The following ACTN4 variants were observed in gnomAD, a reference collection of about 807,000 sequenced individuals.
The protein encoded by ACTN4 is actinin alpha 4, also known as alpha-actinin-4.
ACTN4 carries 18 observed loss-of-function variants against 114.2 expected under a neutral mutation model. That is an observed-to-expected ratio of 0.16 (90% confidence interval 0.11 to 0.23). The LOEUF is 0.23. Ranked by LOEUF, ACTN4 falls within the 10% of genes least tolerant of loss-of-function variation. ACTN4 has a pLI of 1.00. For missense variants in ACTN4, 722 were observed against 1,262.9 expected (o/e 0.57, Z 6.49); for synonymous variants, 515 against 506.3 (o/e 1.02, Z -0.23).
In ACTN4 at chr19:38,730,625, C is replaced by G; in HGVS notation, c.*1193C>G. 8.2e-6 allele frequency: 5 copies of G among 609,806 alleles called. No homozygotes were observed. The highest frequency in any genetic ancestry group is 5.5e-5 in the East Asian group (2 of 36,282). The allele number at this position is 609,806 out of a possible 1,614,324, so 37.8% of individuals were successfully genotyped here. ...AGCTAGCACTGTCTTAAGCTGTCAACGTGGACTAGCTCGTGTCATCTGCTC... is the reference window on the plus strand; with the variant it reads ...AGCTAGCACTGTCTTAAGCTGTCAAGGTGGACTAGCTCGTGTCATCTGCTC... On this transcript the variant is annotated 3_prime_UTR_variant, in exon 21 of 21. Transcript: ENST00000252699.
At position 38,730,698 on chromosome 19, in the gene ACTN4, C is replaced by A; in HGVS notation, c.*1266C>A. The A allele has an allele frequency of 1.2e-6, 1 of 865,260 alleles. No homozygotes were observed. Among genetic ancestry groups the A allele is most frequent in the South Asian group, 1.6e-5 (1 of 63,028 alleles). The allele number at this position is 865,260 out of a possible 1,614,324, so 53.6% of individuals were successfully genotyped here. A position where few individuals can be genotyped will look rare whatever the true frequency, so the allele number is the denominator to read the frequency against. On this transcript the variant is annotated 3_prime_UTR_variant, in exon 21 of 21. Coordinates refer to ENST00000252699, the MANE Select transcript of ACTN4 (RefSeq NM_004924.6). ...GTTTCTGAGTGAGGAGTACGCAGGC[C>A]AGAGTGGTCACCCGGCCGTGAGCAG...
intron 17 of ACTN4, 24 bp from the exon 18 acceptor site, chr19:38,726,933 G>T: frequency 6.2e-7 from 1 of 1,613,202 alleles, no homozygotes; most frequent in South Asian, 1.1e-5. Flanking sequence ...CCCGGCCCAC[G>T]ATCACGCCCC....
intron 1 of ACTN4, among the ~76,000 whole-genome samples, chr19:38,671,805 G>T (rs186257225): frequency 3.0e-4 from 46 of 152,330 alleles, no homozygotes. Context: ...CAGGAAGCTC[G>T]CCATGAAGGC....
chr19:38,694,283 C>T (rs1168594091), intron 1 of ACTN4, among the ~76,000 whole-genome samples: 2 of 150,950 alleles, frequency 1.3e-5, no homozygotes, highest in South Asian at 2.1e-4. Flanking sequence ...TTTTTGAAAC[C>T]GAGTCTTACT....
chr19:38,647,651 A>C lies in ACTN4; in HGVS notation c.-95A>C. On this transcript the variant is annotated 5_prime_UTR_variant, in exon 1 of 21. Coordinates refer to ENST00000252699, the MANE Select transcript of ACTN4 (RefSeq NM_004924.6). ...CAGGCGCGGGCGGAGGGCGGGCTGA[A>C]GCAGCTGAAGCGGCGGTAGCGGCGG... The C allele has an allele frequency of 6.9e-7, 1 of 1,445,618 alleles. No individual in the cohort carries two copies. The highest frequency in any genetic ancestry group is 9.1e-7 in the Non-Finnish European group (1 of 1,094,892). The allele number at this position is 1,445,618 out of a possible 1,614,324, so 89.5% of individuals were successfully genotyped here. A position where few individuals can be genotyped will look rare whatever the true frequency, so the allele number is the denominator to read the frequency against.
At chr19:38,657,050 A>T (rs920269590) in intron 1 of ACTN4, among the ~76,000 whole-genome samples, 1 of 151,952 alleles carries the variant, frequency 6.6e-6, no homozygotes, top group Non-Finnish European at 1.5e-5. Context: ...ATCATAACTC[A>T]CTGCAGCCTT....
chr19:38,663,662 C>T (rs895401744), intron 1 of ACTN4, among the ~76,000 whole-genome samples: 19 of 152,330 alleles, frequency 1.2e-4, no homozygotes, highest in African/African-American at 3.8e-4. Flanking sequence ...TTCTTAGCTG[C>T]CTCTTTGGAG....
At chr19:38,716,119 G>A (rs1298755238) in intron 9 of ACTN4, among the ~76,000 whole-genome samples, 2 of 152,172 alleles carry the variant, frequency 1.3e-5, no homozygotes, top group East Asian at 3.9e-4. Context: ...TGGTCAGGCT[G>A]ATCTTGAACT....
chr19:38,694,895 G>A (rs1008738773), intron 1 of ACTN4, among the ~76,000 whole-genome samples: 2 of 151,988 alleles, frequency 1.3e-5, no homozygotes, highest in Non-Finnish European at 2.9e-5. Context: ...GGCGGGTTGA[G>A]ACAGGGTCTG....
In ACTN4 at chr19:38,692,623, C is replaced by T. The variant is rs546481409; in HGVS notation, c.163-7977C>T. Among the ~76,000 whole-genome samples the T allele has an allele frequency of 2.0e-5, 3 of 152,334 alleles. No individual in the cohort carries two copies. The East Asian group carries it at 5.8e-4, about 29-fold the overall frequency. ...TATAGTTGGTGATGAAGCCCATGGG[C>T]TGGGGAGCCGTTTCTGCTTTCAGGA... On this transcript the variant is annotated intron_variant, in intron 1 of 20. Coordinates refer to ENST00000252699, the MANE Select transcript of ACTN4 (RefSeq NM_004924.6).
chr19:38,696,474 G>A (rs762458023), intron 1 of ACTN4, among the ~76,000 whole-genome samples: 8 of 152,232 alleles, frequency 5.3e-5, no homozygotes, highest in Admixed American at 2.0e-4. Context: ...AGTCTAAACC[G>A]GGTAGGGAGA....
At chr19:38,701,240 A>T in intron 3 of ACTN4, 119 bp downstream of exon 3, 3 of 1,495,582 alleles carry the variant, frequency 2.0e-6, no homozygotes, top group Non-Finnish European at 1.8e-6. Flanking sequence ...GGGCACTCAG[A>T]GCCCCAGTAC....
chr19:38,692,712 G>A (rs1967969919), intron 1 of ACTN4, among the ~76,000 whole-genome samples: 1 of 152,210 alleles, frequency 6.6e-6, no homozygotes, highest in African/African-American at 2.4e-5. Flanking sequence ...TGCCAGATGG[G>A]TGATAAGAAG....
rs1465515133 is a variant in ACTN4, at chr19:38,673,463, A to ATT, written c.162+25558_162+25559dup. On this transcript the variant is annotated intron_variant, in intron 1 of 20. Transcript: ENST00000252699. Reference sequence around the variant, plus strand: ...TTTTTATATATATATATTCATATATATTTATATATATTTATATATATATTC... The same window carrying ATT: ...TTTTTATATATATATATTCATATATATTTTTATATATATTTATATATATATTC... Among the ~76,000 whole-genome samples, 38 of 78,898 alleles carry ATT rather than the reference A, an allele frequency of 4.8e-4. 2 individuals carry two copies. The highest frequency in any genetic ancestry group is 1.6e-3 in the African/African-American group (37 of 23,748). The allele number at this position is 78,898 out of a possible 152,430, so 51.8% of individuals were successfully genotyped here.
At chr19:38,712,878 G>C (rs1019337390) in intron 8 of ACTN4, among the ~76,000 whole-genome samples, 2 of 152,184 alleles carry the variant, frequency 1.3e-5, no homozygotes, top group African/African-American at 4.8e-5. Context: ...GATTTTGGGG[G>C]AGCAGGGACT....
intron 1 of ACTN4, among the ~76,000 whole-genome samples, chr19:38,659,376 C>T (rs1259601370): frequency 6.6e-6 from 1 of 152,036 alleles, no homozygotes; most frequent in African/African-American, 2.4e-5. Flanking sequence ...CTTTCATTAA[C>T]ACTGATGAGG....
At chr19:38,661,868 G>A (rs572560111) in intron 1 of ACTN4, among the ~76,000 whole-genome samples, 2 of 152,262 alleles carry the variant, frequency 1.3e-5, no homozygotes, top group African/African-American at 4.8e-5. Context: ...TAACCAGGAT[G>A]GTCTTGATCT....
At chr19:38,667,877 A>T (rs1967012878) in intron 1 of ACTN4, among the ~76,000 whole-genome samples, 1 of 152,188 alleles carries the variant, frequency 6.6e-6, no homozygotes. Context: ...AGGTATAAAC[A>T]CAGTCTTAAA....
At chr19:38,714,733 TCCACAAGGCTAAGGGTCAGACCGGCAG>T (rs2145052789) in intron 9 of ACTN4, among the ~76,000 whole-genome samples, 172 bp downstream of exon 9, 1 of 152,310 alleles carries the variant, frequency 6.6e-6, no homozygotes, top group South Asian at 2.1e-4. Flanking sequence ...TCCGTTTGCT[TCCACAAGGCTAAGGGTCAGACCGGCAG>T]CCACCTTGCC....
Sources: gnomAD v4.1 joint callset for allele counts (sites outside exome capture counted in the v4.1 genomes callset) on GRCh38, gnomAD v4.1.1 for gene constraint, MANE v1.5 for transcripts, NCBI Gene and HGNC (gene_info 2026-07-23, HGNC 2026-07-21) for gene names.